The following FARP1 variants were observed in gnomAD, a reference collection of about 807,000 sequenced individuals.
FARP1 encodes FERM, ARH/RhoGEF and pleckstrin domain protein 1, also known as FERM, ARHGEF and pleckstrin domain-containing protein 1.
FARP1 carries 52 observed loss-of-function variants against 128.8 expected under a neutral mutation model. That is an observed-to-expected ratio of 0.40 (90% CI 0.32 to 0.51). The LOEUF is 0.51. Among genes scored for constraint, FARP1 ranks in the 20% least tolerant of loss-of-function variants. The probability of loss-of-function intolerance (pLI) is 0.45; values close to 1 mark genes in which losing one functional copy is unlikely to be tolerated. For synonymous variants in FARP1, 580 were observed against 551.8 expected, an observed-to-expected ratio of 1.05 and a Z score of -0.72; for missense variants, 1,333 against 1,367.9, an observed-to-expected ratio of 0.97 and a Z score of 0.40.
At chr13:98,169,268 A>G (rs1196190328) in intron 1 of FARP1, among the ~76,000 whole-genome samples, 1 of 152,114 alleles carries the variant, frequency 6.6e-6, no homozygotes, top group African/African-American at 2.4e-5. Context: ...CACAACCATC[A>G]TTCAGGGGCT....
chr13:98,154,332 T>C (rs1056127759), intron 1 of FARP1, among the ~76,000 whole-genome samples: 25 of 152,234 alleles, frequency 1.6e-4, no homozygotes, highest in Admixed American at 1.1e-3. Context: ...GTATTTTTTA[T>C]TTTAGCCATT....
chr13:98,194,063 T>G (rs1191536297), intron 1 of FARP1, among the ~76,000 whole-genome samples: 1 of 152,128 alleles, frequency 6.6e-6, no homozygotes, highest in African/African-American at 2.4e-5. Flanking sequence ...TGAAAATTTG[T>G]ATATGAATAA....
chr13:98,322,803 C>A (rs1459229057), intron 2 of FARP1, among the ~76,000 whole-genome samples: 1 of 152,188 alleles, frequency 6.6e-6, no homozygotes. Flanking sequence ...CGAAACCCAA[C>A]CAACTGAAAA....
In FARP1 at chr13:98,200,392, C is replaced by T. The variant is rs1320059786; in HGVS notation, c.-23-12828C>T. Among the ~76,000 whole-genome samples, 3 of 144,302 alleles carry T rather than the reference C, an allele frequency of 2.1e-5. No homozygotes were observed. In the South Asian group the frequency reaches 7.6e-4, roughly 37 times the overall value. 94.7% of individuals were successfully genotyped at this position (144,302 alleles called of 152,430 possible). A position where few individuals can be genotyped will look rare whatever the true frequency, so the allele number is the denominator to read the frequency against. ...TCACCTGGAATGCAACCTTCACCCC[C>T]CCCCCCTCCCCTTTGTGATTCAGTG... On this transcript the variant is annotated intron_variant, in intron 1 of 26. Transcript: ENST00000319562.
intron 1 of FARP1, among the ~76,000 whole-genome samples, chr13:98,148,462 G>C (rs949839236): frequency 6.6e-6 from 1 of 152,142 alleles, no homozygotes; most frequent in African/African-American, 2.4e-5. Flanking sequence ...TCCTACCTTA[G>C]CATTTTGGGA....
At chr13:98,318,775 C>T (rs1341372584) in intron 2 of FARP1, among the ~76,000 whole-genome samples, 1 of 152,142 alleles carries the variant, frequency 6.6e-6, no homozygotes, top group Non-Finnish European at 1.5e-5. Flanking sequence ...GCTCCTGGCC[C>T]CTCCCTCCTG....
intron 10 of FARP1, 119 bp downstream of exon 10, chr13:98,390,239 T>A: frequency 8.9e-7 from 1 of 1,123,456 alleles, no homozygotes; most frequent in Non-Finnish European, 1.3e-6. Context: ...CCAGGAGCTA[T>A]GGCCAAGCGG....
chr13:98,302,238 C>T (rs1047214701), intron 2 of FARP1, among the ~76,000 whole-genome samples: 2 of 152,208 alleles, frequency 1.3e-5, no homozygotes, highest in Non-Finnish European at 2.9e-5. Context: ...GTGGAATGAA[C>T]TCTCTTTCCA....
chr13:98,216,433 C>A (rs1881065974), intron 2 of FARP1, among the ~76,000 whole-genome samples: 1 of 152,156 alleles, frequency 6.6e-6, no homozygotes, highest in Non-Finnish European at 1.5e-5. Context: ...TGATGGAGTG[C>A]CCCAAGTGAA....
chr13:98,146,706 C>A (rs1435835642), intron 1 of FARP1, among the ~76,000 whole-genome samples: 1 of 152,168 alleles, frequency 6.6e-6, no homozygotes, highest in Non-Finnish European at 1.5e-5. Context: ...TAAAGTCTTT[C>A]TACTTTGGAA....
chr13:98,223,473 C>T (rs1182714641), intron 2 of FARP1, among the ~76,000 whole-genome samples: 2 of 152,114 alleles, frequency 1.3e-5, no homozygotes, highest in Non-Finnish European at 2.9e-5. Context: ...TACGGGCACC[C>T]GCCACCATGC....
At chr13:98,211,217 G>A (rs1032003037) in intron 1 of FARP1, among the ~76,000 whole-genome samples, 4 of 152,318 alleles carry the variant, frequency 2.6e-5, no homozygotes, top group African/African-American at 4.8e-5. Flanking sequence ...CCAGTGGTCC[G>A]TGGCCTTTCA....
intron 24 of FARP1, 150 bp downstream of exon 24, chr13:98,440,986 G>A (rs983472201): frequency 3.8e-6 from 3 of 787,170 alleles, no homozygotes; most frequent in Non-Finnish European, 2.0e-6. Flanking sequence ...TCAACACTGG[G>A]CCCCCTTTGG....
chr13:98,144,106 C>T (rs1875315331), intron 1 of FARP1, among the ~76,000 whole-genome samples: 1 of 152,282 alleles, frequency 6.6e-6, no homozygotes, highest in South Asian at 2.1e-4. Context: ...GGACAGATTG[C>T]TTTGCGGCGA....
chr13:98,324,751 T>C (rs1380039603), intron 2 of FARP1, among the ~76,000 whole-genome samples: 1 of 152,210 alleles, frequency 6.6e-6, no homozygotes, highest in Non-Finnish European at 1.5e-5. Flanking sequence ...CCCTTTCCCG[T>C]TTGTGCTAGT....
At position 98,327,307 on chromosome 13, in the gene FARP1, A is replaced by T. The variant is rs567827074; in HGVS notation, c.172-16455A>T. Among the ~76,000 whole-genome samples, 22 of 152,178 alleles carry T rather than the reference A, an allele frequency of 1.4e-4. No homozygotes were observed. In the East Asian group the frequency reaches 1.7e-3, roughly 12 times the overall value. ...TTTATAATTTCACAGGATTTTTTTTAAAATGTGTCATCGAAACCCATGTTT... is the reference window on the plus strand; with the variant it reads ...TTTATAATTTCACAGGATTTTTTTTTAAATGTGTCATCGAAACCCATGTTT... On this transcript the variant is annotated intron_variant, in intron 2 of 26. Transcript: ENST00000319562.
In FARP1 at chr13:98,297,658, G is replaced by T. The variant is rs183673768; in HGVS notation, c.172-46104G>T. On this transcript the variant is annotated intron_variant, in intron 2 of 26. Transcript: ENST00000319562. Reference sequence around the variant, plus strand: ...TGTGGGAAGGAGGACATTTGGGTGGGGACGTTATGTTTATGAACGGGCTGA... The same window carrying T: ...TGTGGGAAGGAGGACATTTGGGTGGTGACGTTATGTTTATGAACGGGCTGA... Among the ~76,000 whole-genome samples, 6 of 152,246 alleles carry T rather than the reference G, an allele frequency of 3.9e-5. No individual in the cohort carries two copies. The East Asian group carries it at 1.2e-3, about 29-fold the overall frequency.
At chr13:98,257,060 G>T (rs1203633513) in intron 2 of FARP1, among the ~76,000 whole-genome samples, 1 of 146,796 alleles carries the variant, frequency 6.8e-6, no homozygotes, top group Non-Finnish European at 1.5e-5. Context: ...ATCTCTAAAA[G>T]ATCAAGCGTT....
chr13:98,270,495 A>G (rs28710959), intron 2 of FARP1, among the ~76,000 whole-genome samples: 16,129 of 152,250 alleles, frequency 0.11, 1,277 homozygotes, highest in African/African-American at 0.22. Context: ...GCCTCAGCGT[A>G]TCTTCCTTGG....
Sources: allele counts gnomAD v4.1 joint callset (sites outside exome capture counted in the v4.1 genomes callset), GRCh38; gene constraint gnomAD v4.1.1; transcripts MANE v1.5; gene names NCBI Gene and HGNC (gene_info 2026-07-23, HGNC 2026-07-21).